ITGBL1: variants seen among roughly 807,000 people sequenced by gnomAD.
ITGBL1 encodes integrin subunit beta like 1.
In ITGBL1, 51 loss-of-function variants were observed where a neutral mutation model predicts 68.5. The observed-to-expected ratio is 0.74, with a 90% confidence interval of 0.59 to 0.94. The LOEUF (loss-of-function observed/expected upper bound fraction) is 0.94, where lower values mean the gene tolerates loss of function less well. Among genes scored for constraint, ITGBL1 ranks in the 40% least tolerant of loss-of-function variants. ITGBL1 has a pLI of 0.00. For missense variants in ITGBL1, 649 were observed against 647.4 expected, an observed-to-expected ratio of 1.00 and a Z score of -0.03; for synonymous variants, 209 against 227.3, an observed-to-expected ratio of 0.92 and a Z score of 0.72.
intron 7 of ITGBL1, among the ~76,000 whole-genome samples, chr13:101,679,835 G>C (rs796290124): frequency 7.2e-5 from 11 of 152,082 alleles, no homozygotes; most frequent in African/African-American, 2.4e-4. Flanking sequence ...GTGGCCTGGC[G>C]CTTCTCTTCC....
intron 8 of ITGBL1, among the ~76,000 whole-genome samples, chr13:101,704,281 T>C (rs2034203149): frequency 6.6e-6 from 1 of 151,514 alleles, no homozygotes; most frequent in African/African-American, 2.4e-5. Context: ...AGGTATTAAG[T>C]GGGGATGCTA....
At chr13:101,553,551 A>T (rs2049955456) in intron 2 of ITGBL1, among the ~76,000 whole-genome samples, 1 of 152,034 alleles carries the variant, frequency 6.6e-6, no homozygotes. Context: ...CACAAACGGG[A>T]TGGTTTTGAA....
intron 2 of ITGBL1, among the ~76,000 whole-genome samples, chr13:101,488,436 T>C (rs2048730413): frequency 6.6e-6 from 1 of 152,180 alleles, no homozygotes; most frequent in South Asian, 2.1e-4. Flanking sequence ...CGTTCACTGC[T>C]TTGAGGGGAG....
chr13:101,469,847 A>G (rs527970040), intron 2 of ITGBL1, among the ~76,000 whole-genome samples: 15 of 152,350 alleles, frequency 9.8e-5, no homozygotes, highest in Middle Eastern at 3.4e-3. Flanking sequence ...TTTGGGTAGG[A>G]TGAAAATGCA....
At chr13:101,642,731 A>G (rs987257473) in intron 7 of ITGBL1, among the ~76,000 whole-genome samples, 1 of 151,562 alleles carries the variant, frequency 6.6e-6, no homozygotes, top group Non-Finnish European at 1.5e-5. Flanking sequence ...ATCTTGAATT[A>G]ATTTTTGTAT....
intron 7 of ITGBL1, among the ~76,000 whole-genome samples, chr13:101,604,931 T>TATATATACACACACACACACACACAC (rs2139346224): frequency 8.8e-6 from 1 of 113,256 alleles, no homozygotes; most frequent in African/African-American, 3.2e-5. Context: ...TGTGTATATA[T>TATATATACACACACACACACACACAC]ACGCATGTAT....
intron 6 of ITGBL1, among the ~76,000 whole-genome samples, chr13:101,593,462 A>G (rs888560731): frequency 2.0e-5 from 3 of 152,124 alleles, no homozygotes; most frequent in Non-Finnish European, 4.4e-5. Context: ...TGTCAAAGAT[A>G]TATCTGTACC....
chr13:101,674,425 G>A (rs2033450744), intron 7 of ITGBL1, among the ~76,000 whole-genome samples: 1 of 151,942 alleles, frequency 6.6e-6, no homozygotes, highest in Non-Finnish European at 1.5e-5. Flanking sequence ...TACTATCTTT[G>A]GAGAACCTCT....
At chr13:101,720,313 A>T (rs1365873782), downstream of ITGBL1, 2 of 152,144 alleles carry the variant, frequency 1.3e-5, no homozygotes, top group Non-Finnish European at 2.9e-5. Flanking sequence ...ATGTCTAAAC[A>T]TATATTAGAA....
intron 7 of ITGBL1, among the ~76,000 whole-genome samples, chr13:101,660,034 T>G (rs1323509229): frequency 6.6e-6 from 1 of 152,120 alleles, no homozygotes; most frequent in Non-Finnish European, 1.5e-5. Context: ...TGTAGGGTGT[T>G]TAGGAGCCTC....
chr13:101,590,615 C>T (rs2050635420), intron 6 of ITGBL1, among the ~76,000 whole-genome samples: 2 of 152,108 alleles, frequency 1.3e-5, no homozygotes, highest in South Asian at 4.1e-4. Flanking sequence ...GTTAAAGTGT[C>T]AACAAGCAAT....
intron 8 of ITGBL1, among the ~76,000 whole-genome samples, chr13:101,694,332 G>A (rs866725223): frequency 2.0e-5 from 3 of 152,148 alleles, no homozygotes; most frequent in Admixed American, 1.3e-4. Flanking sequence ...GTATATATAC[G>A]TATTCATGTA....
chr13:101,621,046 C>G (rs2031559063), intron 7 of ITGBL1, among the ~76,000 whole-genome samples: 1 of 152,138 alleles, frequency 6.6e-6, no homozygotes, highest in African/African-American at 2.4e-5. Flanking sequence ...TTCAGCCTTT[C>G]TTTATATCAC....
intron 2 of ITGBL1, among the ~76,000 whole-genome samples, chr13:101,498,615 C>G (rs1441249412): frequency 6.6e-6 from 1 of 152,062 alleles, no homozygotes; most frequent in African/African-American, 2.4e-5. Flanking sequence ...TGTCATCAAG[C>G]ATTCAGTTTA....
At chr13:101,481,946 G>A (rs983191321) in intron 2 of ITGBL1, among the ~76,000 whole-genome samples, 1 of 152,090 alleles carries the variant, frequency 6.6e-6, no homozygotes, top group African/African-American at 2.4e-5. Flanking sequence ...GGGGAATGTG[G>A]TGGGGCCAGA....
At chr13:101,583,388 A>G (rs143367961) in intron 6 of ITGBL1, 32 bp downstream of exon 6, 5 of 1,310,376 alleles carry the variant, frequency 3.8e-6, no homozygotes, top group Non-Finnish European at 4.0e-6. Context: ...GTTTTTCTGG[A>G]GGGGGAGGTG....
chr13:101,687,432 T>A (rs1838748311), intron 7 of ITGBL1, among the ~76,000 whole-genome samples: 1 of 152,028 alleles, frequency 6.6e-6, no homozygotes, highest in Admixed American at 6.6e-5. Flanking sequence ...AATTAAGAGT[T>A]TTTATTAAAA....
intron 7 of ITGBL1, among the ~76,000 whole-genome samples, chr13:101,618,589 C>G (rs1329255721): frequency 6.6e-6 from 1 of 152,090 alleles, no homozygotes; most frequent in Non-Finnish European, 1.5e-5. Flanking sequence ...GGTAAAGGGA[C>G]TTAGACAACC....
At chr13:101,508,062 C>T (rs1236102487) in intron 2 of ITGBL1, among the ~76,000 whole-genome samples, 2 of 152,146 alleles carry the variant, frequency 1.3e-5, no homozygotes, top group Non-Finnish European at 2.9e-5. Context: ...ACTTTATCTG[C>T]TCACTGACTC....
Sources: allele counts gnomAD v4.1 joint callset (sites outside exome capture counted in the v4.1 genomes callset), GRCh38; gene constraint gnomAD v4.1.1; transcripts MANE v1.5; gene names NCBI Gene and HGNC (gene_info 2026-07-23, HGNC 2026-07-21).